Variants in MYO18A observed in about 807,000 individuals in gnomAD.
MYO18A encodes the protein myosin XVIIIA.
In MYO18A, 78 loss-of-function variants were observed where a neutral mutation model predicts 235.8. That is an observed-to-expected ratio of 0.33 (90% CI 0.28 to 0.40). The LOEUF is 0.40. Ranked by LOEUF, MYO18A falls within the 10% of genes least tolerant of loss-of-function variation. The pLI is 1.00. For synonymous variants in MYO18A, 977 were observed against 1,077.8 expected, an observed-to-expected ratio of 0.91 and a Z score of 1.83; for missense variants, 2,215 against 2,699.3, an observed-to-expected ratio of 0.82 and a Z score of 3.98.
chr17:29,081,128 A>T, intron 41 of MYO18A: 1 of 460,708 alleles, frequency 2.2e-6, no homozygotes, highest in Non-Finnish European at 2.9e-6. Context: ...AGGGGGAGGG[A>T]GGCGAAAGGA....
In MYO18A at chr17:29,097,836, G is replaced by A. The variant is rs772944016; in HGVS notation, c.4054C>T (p.Leu1352Phe). The change falls in exon 26 of 42, where the codon CTC becomes TTC. Residue 1352 changes from leucine to phenylalanine, a missense_variant. Coordinates refer to ENST00000527372, the MANE Select transcript of MYO18A (RefSeq NM_078471.4). ...CCGTTGATCTCCGCTGCCCGGATGA[G>A]ACGGGCCTCCATCACCTCCATTTCC... ...VMEMEVMEAR[L>F]IRAAEINGEV... 15 of 1,613,802 alleles carry A rather than the reference G, an allele frequency of 9.3e-6. No individual in the cohort carries two copies. Among genetic ancestry groups the A allele is most frequent in the Non-Finnish European group, 1.3e-5 (15 of 1,179,830 alleles).
chr17:29,092,311 C>G, intron 34 of MYO18A, 32 bp downstream of exon 34: 2 of 1,551,862 alleles, frequency 1.3e-6, no homozygotes, highest in Non-Finnish European at 1.8e-6. Context: ...CTCAGCCCCC[C>G]GAGCTCTGCC....
chr17:29,121,824 C>T lies in MYO18A; in HGVS notation c.1194+27G>A, dbSNP rs1182965477. The T allele has an allele frequency of 1.2e-6, 2 of 1,612,924 alleles. No homozygotes were observed. The highest frequency in any genetic ancestry group is 1.3e-5 in the African/African-American group (1 of 74,902). On this transcript the variant is annotated intron_variant, in intron 4 of 41. Transcript: ENST00000527372. The surrounding 1 kb of genome is among the most constrained non-coding windows in gnomAD (Gnocchi z 4.2). ...CCCAGTGCACTCCTGAGCCTCCTCC[C>T]CCACACCCAGCCCCCTGCCCACCTA...
intron 1 of MYO18A, among the ~76,000 whole-genome samples, chr17:29,177,973 G>A (rs1202329299): frequency 6.6e-6 from 1 of 152,162 alleles, no homozygotes; most frequent in African/African-American, 2.4e-5. Context: ...ACAACTCCCA[G>A]CTCCACCTCA....
intron 21 of MYO18A, 143 bp downstream of exon 21, chr17:29,103,456 C>T (rs951113951): frequency 1.4e-5 from 11 of 781,496 alleles, no homozygotes; most frequent in Admixed American, 4.6e-5. Flanking sequence ...AGTGGCTGGG[C>T]GGGGTGGAGC....
At chr17:29,097,619 C>G (rs1427674405) in intron 26 of MYO18A, among the ~76,000 whole-genome samples, 169 bp downstream of exon 26, 1 of 152,378 alleles carries the variant, frequency 6.6e-6, no homozygotes, top group Middle Eastern at 3.4e-3. Context: ...TGTTTCAGCT[C>G]TACCTAACAA....
At position 29,100,172 on chromosome 17, in the gene MYO18A, C is replaced by T. The variant is rs569114146; in HGVS notation, c.3508-410G>A. Among the ~76,000 whole-genome samples, 7 of 152,368 alleles carry T rather than the reference C, an allele frequency of 4.6e-5. No homozygotes were observed. The South Asian group carries it at 1.4e-3, about 32-fold the overall frequency. ...CAATGCCCCCTGTGCCCACAGCCCACTGCAGGGCCCAACCTGGGCTCCAGG... is the reference window on the plus strand; with the variant it reads ...CAATGCCCCCTGTGCCCACAGCCCATTGCAGGGCCCAACCTGGGCTCCAGG... On this transcript the variant is annotated intron_variant, in intron 21 of 41. Transcript: ENST00000527372.
At position 29,112,659 on chromosome 17, in the gene MYO18A, C is replaced by T. The variant is rs781270778; in HGVS notation, c.2599-796G>A. On this transcript the variant is annotated intron_variant, in intron 15 of 41. Coordinates refer to ENST00000527372, the MANE Select transcript of MYO18A (RefSeq NM_078471.4). ...CACATCTGGCCTGAAGGTGCCTTTTCTGTGGAGTTCCTGCATCTTTCTTGG... is the reference window on the plus strand; with the variant it reads ...CACATCTGGCCTGAAGGTGCCTTTTTTGTGGAGTTCCTGCATCTTTCTTGG... Among the ~76,000 whole-genome samples the T allele has an allele frequency of 4.9e-4, 74 of 152,248 alleles. 1 individual carries two copies. Among genetic ancestry groups the T allele is most frequent in the Non-Finnish European group, 9.0e-4 (61 of 68,044 alleles).
chr17:29,150,435 C>G (rs2067942153), intron 2 of MYO18A, among the ~76,000 whole-genome samples: 1 of 152,252 alleles, frequency 6.6e-6, no homozygotes, highest in African/African-American at 2.4e-5. Context: ...AGCCAGGGAC[C>G]TGCTGGCCCT....
In MYO18A at chr17:29,109,945, C is replaced by T. The variant is rs1188300720; in HGVS notation, c.3244G>A (p.Ala1082Thr). 1 of 1,606,482 alleles carries T rather than the reference C, an allele frequency of 6.2e-7. No homozygotes were observed. The highest frequency in any genetic ancestry group is 1.7e-5 in the Admixed American group (1 of 58,980). ...GGCACGTCGAGCTGCAGGAGCCCAG[C>T]CTCGCAGTGGTCTCCCGAGGGCAGG... ...LDLPSGDHCEAGLLQLDVPLL... is the reference protein window; with the variant it reads ...LDLPSGDHCETGLLQLDVPLL... The change falls in exon 19 of 42, where the codon GCT becomes ACT. Residue 1082 changes from alanine to threonine, a missense_variant. Coordinates refer to ENST00000527372, the MANE Select transcript of MYO18A (RefSeq NM_078471.4). This position sits in a 1 kb window ranked among gnomAD's most constrained non-coding sequence, Gnocchi z 4.1.
At chr17:29,156,039 G>T (rs1031892023) in intron 2 of MYO18A, among the ~76,000 whole-genome samples, 1 of 152,164 alleles carries the variant, frequency 6.6e-6, no homozygotes. Context: ...GAGCAACTGG[G>T]GCTGCCTTAG....
At chr17:29,105,594 G>T (rs1262849554) in intron 20 of MYO18A, among the ~76,000 whole-genome samples, 1 of 152,148 alleles carries the variant, frequency 6.6e-6, no homozygotes, top group Non-Finnish European at 1.5e-5. Context: ...GGAGGCTAGG[G>T]AAGAGAGGTT....
At chr17:29,148,582 TTGTGTGTGTGTGTGTGTG>T (rs10535921) in intron 2 of MYO18A, among the ~76,000 whole-genome samples, 1 of 148,758 alleles carries the variant, frequency 6.7e-6, no homozygotes, top group African/African-American at 2.5e-5. Context: ...CTTTATTCTT[TTGTGTGTGTGTGTGTGTG>T]TGTGTGTGTG....
rs965216650 is a variant in MYO18A, at chr17:29,125,730, C to A, written c.1000-3477G>T. 3.3e-5 allele frequency among the ~76,000 whole-genome samples: 5 copies of A among 152,242 alleles called. No homozygotes were observed. The highest frequency in any genetic ancestry group is 2.6e-4 in the Admixed American group (4 of 15,288). The stretch of plus-strand genomic sequence containing the variant: ...TCTGGAGGAACCACTCTCCCCAGAG[C>A]ACTTCTCTCATTTCTTTAAGAGAGA... On this transcript the variant is annotated intron_variant, in intron 2 of 41. Transcript: ENST00000527372. The surrounding 1 kb of genome is among the most constrained non-coding windows in gnomAD (Gnocchi z 5.1).
intron 1 of MYO18A, among the ~76,000 whole-genome samples, chr17:29,179,717 T>A (rs2068607208): frequency 6.6e-6 from 1 of 152,016 alleles, no homozygotes; most frequent in Non-Finnish European, 1.5e-5. Flanking sequence ...TCATCTTCTG[T>A]CCCAAGAGGA....
chr17:29,175,540 T>G (rs2068505016), intron 1 of MYO18A, among the ~76,000 whole-genome samples: 1 of 151,786 alleles, frequency 6.6e-6, no homozygotes, highest in Admixed American at 6.6e-5. Context: ...ACTTCTGTAT[T>G]TTTTGTAGAG....
In MYO18A at chr17:29,110,726, C is replaced by T. The variant is rs987676209; in HGVS notation, c.2901-104G>A. 11 of 1,201,844 alleles carry T rather than the reference C, an allele frequency of 9.2e-6. 1 individual carries two copies. In the Admixed American group the frequency reaches 2.8e-4, roughly 30 times the overall value. 74.4% of individuals were successfully genotyped at this position (1,201,844 alleles called of 1,614,324 possible). On this transcript the variant is annotated intron_variant, in intron 17 of 41. Transcript: ENST00000527372. ...CAGAACACTAAACAGTCCCATTCAG[C>T]CACGTCCAGGGGCCTGGCTACCTGA...
chr17:29,152,922 G>C (rs4965419), intron 2 of MYO18A, among the ~76,000 whole-genome samples: 150,403 of 152,206 alleles, frequency 0.99, 74,401 homozygotes, highest in Middle Eastern at 1. Flanking sequence ...ACTATCTTTC[G>C]CAGGCTGGTC....
At chr17:29,130,299 C>CAAAAAAAAAAAAAAA (rs564370108) in intron 2 of MYO18A, among the ~76,000 whole-genome samples, 31 of 55,888 alleles carry the variant, frequency 5.5e-4, no homozygotes, top group South Asian at 1.7e-3. Context: ...AACCCTGTCT[C>CAAAAAAAAAAAAAAA]AAAAAAAAAA....
Sources: gnomAD v4.1 joint callset for allele counts (sites outside exome capture counted in the v4.1 genomes callset) on GRCh38, gnomAD v4.1.1 for gene constraint, Gnocchi (gnomAD v3.1) non-coding constraint, MANE v1.5 for transcripts, NCBI Gene and HGNC (gene_info 2026-07-23, HGNC 2026-07-21) for gene names.